The following PARVB variants were observed in gnomAD, a reference collection of about 807,000 sequenced individuals.
PARVB encodes the protein beta-parvin.
A neutral mutation model predicts 47.0 loss-of-function variants in PARVB; 46 were observed. That is an observed-to-expected ratio of 0.98 (90% CI 0.77 to 1.25). The LOEUF is 1.25. Ranked by LOEUF, PARVB falls within the 50% of genes most tolerant of loss-of-function variation. PARVB has a pLI of 0.00. For missense variants in PARVB, 473 were observed against 471.6 expected (o/e 1.00, Z -0.03); for synonymous variants, 196 against 196.3 (o/e 1.00, Z 0.01).
At chr22:44,021,638 G>A (rs2050648988), upstream of PARVB, among the ~76,000 whole-genome samples, 2 of 152,118 alleles carry the variant, frequency 1.3e-5, no homozygotes, top group African/African-American at 4.8e-5. Flanking sequence ...GCCAGGCATG[G>A]TGGAGGAAAA....
At position 44,071,053 on chromosome 22, in the gene PARVB, A is replaced by C. The variant is rs112748572; in HGVS notation, c.113-22875A>C. Among the ~76,000 whole-genome samples the C allele has an allele frequency of 3.8e-3, 577 of 152,278 alleles. 5 individuals carry two copies. The highest frequency in any genetic ancestry group is 0.013 in the African/African-American group (528 of 41,568). On this transcript the variant is annotated intron_variant, in intron 1 of 12. Transcript: ENST00000338758. ...CACTGTGAAAGGGGTCCTGGAGCCC[A>C]GTATCACTCCAGCGACATTTCCCAG...
chr22:44,122,562 C>G (rs13053556), intron 4 of PARVB, among the ~76,000 whole-genome samples: 16,399 of 78,460 alleles, frequency 0.21, 1,712 homozygotes, highest in Admixed American at 0.27. Flanking sequence ...GACACAGAGA[C>G]AGAGAGAGAG....
intron 1 of PARVB, among the ~76,000 whole-genome samples, chr22:44,035,796 A>AC (rs1411230866): frequency 6.8e-6 from 1 of 147,584 alleles, no homozygotes; most frequent in Non-Finnish European, 1.5e-5. Flanking sequence ...CAAACAGATC[A>AC]CTTTTTTTTT....
intron 4 of PARVB, among the ~76,000 whole-genome samples, chr22:44,119,607 T>A (rs1287330248): frequency 6.6e-6 from 1 of 152,152 alleles, no homozygotes; most frequent in Non-Finnish European, 1.5e-5. Context: ...AGTTTAGTGA[T>A]CTTCCCGGGA....
chr22:44,109,672 T>G (rs2052647696), intron 3 of PARVB: 2 of 152,226 alleles, frequency 1.3e-5, no homozygotes, highest in African/African-American at 4.8e-5. Context: ...AATTTGATTT[T>G]AATCTGTTTG....
rs1185180475 is a variant in PARVB, at chr22:44,100,243, G to A, written c.273+120G>A. ...GGCTCCTGAAAGGGATGTTGGTGCT[G>A]CATGAGAAGGTGGGCAGACATGTTG... On this transcript the variant is annotated intron_variant, in intron 3 of 12. Transcript: ENST00000338758. 7.8e-6 allele frequency: 6 copies of A among 770,838 alleles called. No individual in the cohort carries two copies. The Admixed American group carries it at 1.1e-4, about 14-fold the overall frequency. 47.7% of individuals were successfully genotyped at this position (770,838 alleles called of 1,614,324 possible).
intron 1 of PARVB, among the ~76,000 whole-genome samples, chr22:44,035,868 C>T (rs2050913933): frequency 6.6e-6 from 1 of 151,470 alleles, no homozygotes; most frequent in Non-Finnish European, 1.5e-5. Context: ...TAATTAACAT[C>T]AAATAATGTT....
intron 10 of PARVB, among the ~76,000 whole-genome samples, chr22:44,156,686 A>G (rs991584405): frequency 1.1e-4 from 17 of 152,274 alleles, no homozygotes; most frequent in African/African-American, 3.4e-4. Context: ...AAAAGTAGTT[A>G]AGATGGTAAA....
At chr22:44,131,726 C>A in intron 5 of PARVB, 99 bp downstream of exon 5, 1 of 1,343,548 alleles carries the variant, frequency 7.4e-7, no homozygotes, top group Non-Finnish European at 1.0e-6. Context: ...ATCATCCCAT[C>A]TGGCCTTGCA....
intron 1 of PARVB, among the ~76,000 whole-genome samples, chr22:44,084,900 A>G (rs2051990240): frequency 6.6e-6 from 1 of 152,192 alleles, no homozygotes; most frequent in Non-Finnish European, 1.5e-5. Context: ...CTGCCAGGAC[A>G]TCTGTTTATT....
At chr22:44,072,534 G>A (rs1010486750) in intron 1 of PARVB, among the ~76,000 whole-genome samples, 2 of 152,130 alleles carry the variant, frequency 1.3e-5, no homozygotes, top group Non-Finnish European at 2.9e-5. Context: ...TCCATCTCCC[G>A]GGTTCAAGCG....
chr22:44,144,810 CAAAACAAAACAAAAG>C (rs1229731831), intron 8 of PARVB: 1 of 152,220 alleles, frequency 6.6e-6, no homozygotes, highest in African/African-American at 2.4e-5. Flanking sequence ...GCCTAAAGAC[CAAAACAAAACAAAAG>C]AAAACAAAAC....
chr22:44,060,660 G>A (rs989319315), intron 1 of PARVB, among the ~76,000 whole-genome samples: 1 of 152,034 alleles, frequency 6.6e-6, no homozygotes, highest in Non-Finnish European at 1.5e-5. Context: ...GGGCACAGGC[G>A]AAGGAGAGGT....
At chr22:44,053,985 T>G (rs1396794198) in intron 1 of PARVB, among the ~76,000 whole-genome samples, 3 of 152,172 alleles carry the variant, frequency 2.0e-5, no homozygotes, top group Admixed American at 6.5e-5. Context: ...TCATTGGATA[T>G]GCACGATTGA....
chr22:44,081,748 C>T (rs1543791), intron 1 of PARVB: 24,218 of 353,756 alleles, frequency 0.068, 1,002 homozygotes, highest in Admixed American at 0.16. Context: ...TGGCTGGGCT[C>T]GGAGGGGCGG....
chr22:44,071,170 G>A (rs904851528), intron 1 of PARVB, among the ~76,000 whole-genome samples: 11 of 152,166 alleles, frequency 7.2e-5, no homozygotes, highest in Non-Finnish European at 1.3e-4. Context: ...CATTAGCAGA[G>A]TCAAGACTCT....
At chr22:44,025,688 C>T (rs1247246396) in intron 1 of PARVB, among the ~76,000 whole-genome samples, 2 of 151,748 alleles carry the variant, frequency 1.3e-5, no homozygotes, top group African/African-American at 4.9e-5. Flanking sequence ...GTGTTGGTCA[C>T]GTCTCCTAAA....
chr22:44,034,343 G>A (rs1692007454), intron 1 of PARVB, among the ~76,000 whole-genome samples: 1 of 150,328 alleles, frequency 6.7e-6, no homozygotes, highest in African/African-American at 2.4e-5. Context: ...TGTTTGAGAT[G>A]GGGGTCTTTA....
chr22:44,140,631 G>A, intron 8 of PARVB: 1 of 517,398 alleles, frequency 1.9e-6, no homozygotes, highest in Admixed American at 1.9e-5. Flanking sequence ...CCTGGCTGGT[G>A]GCTTGTGGCC....
Sources: gnomAD v4.1 joint callset for allele counts (sites outside exome capture counted in the v4.1 genomes callset) on GRCh38, gnomAD v4.1.1 for gene constraint, MANE v1.5 for transcripts, NCBI Gene and HGNC (gene_info 2026-07-23, HGNC 2026-07-21) for gene names.